The following TEX11 variants were observed in gnomAD, a reference collection of about 807,000 sequenced individuals.
TEX11 encodes the protein testis expressed 11.
TEX11 carries 7 observed loss-of-function variants against 84.4 expected under a neutral mutation model. The ratio of observed to expected loss-of-function variants is 0.08; its 90% CI spans 0.05 to 0.16. The LOEUF is 0.16. TEX11 is among the 10% of genes least tolerant of loss of function. The pLI, the probability that TEX11 is intolerant of heterozygous loss-of-function variation, is 1.00. For missense variants in TEX11, 551 were observed against 660.5 expected, an observed-to-expected ratio of 0.83 and a Z score of 1.82; for synonymous variants, 264 against 222.8, an observed-to-expected ratio of 1.18 and a Z score of -1.64.
chrX:70,713,933 C>T (rs1332754496), intron 13 of TEX11, among the ~76,000 whole-genome samples: 4 of 111,618 alleles, frequency 3.6e-5, no homozygotes, highest in African/African-American at 9.7e-5. Context: ...GCATTTAGTG[C>T]TATAAATTTC....
intron 11 of TEX11, among the ~76,000 whole-genome samples, chrX:70,728,577 G>C (rs995809526): frequency 1.6e-5 from 1 of 62,902 alleles, no homozygotes; most frequent in Non-Finnish European, 3.9e-5. Context: ...TAGCACAGCA[G>C]TCTGAGATCA....
intron 16 of TEX11, among the ~76,000 whole-genome samples, chrX:70,659,315 G>GT (rs767252769): frequency 4.5e-5 from 5 of 112,138 alleles, no homozygotes; most frequent in Non-Finnish European, 9.4e-5. Flanking sequence ...TTGGTAAGGG[G>GT]TTAATATCTG....
intron 9 of TEX11, among the ~76,000 whole-genome samples, chrX:70,802,377 C>A (rs1436759639): frequency 1.8e-5 from 2 of 110,731 alleles, no homozygotes; most frequent in Non-Finnish European, 1.9e-5. Flanking sequence ...GTTATAATGA[C>A]ATGTGAGAAA....
chrX:70,762,356 T>C (rs1474929512), intron 9 of TEX11, among the ~76,000 whole-genome samples: 1 of 111,647 alleles, frequency 9.0e-6, no homozygotes, highest in African/African-American at 3.3e-5. Context: ...ACAACAACTT[T>C]TCAAGACACA....
chrX:70,616,927 G>A (rs191785693), intron 20 of TEX11, among the ~76,000 whole-genome samples: 1 of 111,389 alleles, frequency 9.0e-6, no homozygotes, highest in Admixed American at 9.6e-5. Flanking sequence ...TGGGTACAAA[G>A]AAATAGTTAG....
chrX:70,608,295 A>G (rs1407161528), intron 22 of TEX11, among the ~76,000 whole-genome samples: 2 of 112,113 alleles, frequency 1.8e-5, no homozygotes, highest in Non-Finnish European at 1.9e-5. Context: ...AACACCATAT[A>G]TTAGTTTTGC....
intron 16 of TEX11, among the ~76,000 whole-genome samples, chrX:70,654,709 C>CAA (rs56822297): frequency 0.01 from 376 of 37,561 alleles, 18 homozygotes; most frequent in African/African-American, 0.033. Context: ...GACTCTGTCT[C>CAA]AAAAAAAAAA....
At chrX:70,725,476 A>ATATCATAAC in intron 11 of TEX11, 133 bp from the exon 12 acceptor site, 1 of 376,939 alleles carries the variant, frequency 2.7e-6, no homozygotes, top group Non-Finnish European at 4.7e-6. Context: ...ACAGAAGACC[A>ATATCATAAC]TATCATAACA....
intron 25 of TEX11, among the ~76,000 whole-genome samples, chrX:70,567,259 A>G (rs1250725609): frequency 9.0e-6 from 1 of 110,679 alleles, no homozygotes; most frequent in Non-Finnish European, 1.9e-5. Context: ...TATCCCCTTT[A>G]TCATTTTTTA....
chrX:70,732,228 C>A (rs1476674900), intron 11 of TEX11, among the ~76,000 whole-genome samples: 1 of 111,703 alleles, frequency 9.0e-6, no homozygotes, highest in Non-Finnish European at 1.9e-5. Context: ...GAAGCATTCC[C>A]TTTGAAAACT....
intron 25 of TEX11, among the ~76,000 whole-genome samples, chrX:70,588,967 G>A (rs1323454740): frequency 9.2e-6 from 1 of 108,470 alleles, no homozygotes; most frequent in Non-Finnish European, 1.9e-5. Context: ...ATCTAGAATA[G>A]GCAAATTCAT....
intron 4 of TEX11, 125 bp from the exon 5 acceptor site, chrX:70,861,061 C>CTT (rs11363600): frequency 9.8e-4 from 231 of 236,773 alleles, no homozygotes; most frequent in Middle Eastern, 2.6e-3. Context: ...TTGTAAAGGC[C>CTT]TTTTTTTTTT....
intron 12 of TEX11, 129 bp from the exon 13 acceptor site, chrX:70,722,825 T>C: frequency 4.0e-6 from 2 of 504,247 alleles, no homozygotes; most frequent in South Asian, 6.3e-5. Context: ...TGCCTAAAAA[T>C]TTATCAAAAT....
At chrX:70,714,968 G>C (rs181357657) in intron 13 of TEX11, among the ~76,000 whole-genome samples, 8,446 of 111,068 alleles carry the variant, frequency 0.076, 285 homozygotes, top group African/African-American at 0.13. Flanking sequence ...TCCTTCAGGA[G>C]CTCTTTTAGG....
intron 11 of TEX11, among the ~76,000 whole-genome samples, chrX:70,725,965 C>T (rs1441128513): frequency 8.9e-6 from 1 of 111,949 alleles, no homozygotes; most frequent in Non-Finnish European, 1.9e-5. Context: ...TGATTAGCTC[C>T]ATACTCTGCA....
chrX:70,643,249 C>T (rs1227876617), intron 17 of TEX11, among the ~76,000 whole-genome samples: 3 of 105,680 alleles, frequency 2.8e-5, no homozygotes, highest in African/African-American at 7.0e-5. Context: ...AACTACAAAC[C>T]GCTGCTCAAG....
chrX:70,706,383 C>T (rs1217695903), intron 13 of TEX11, among the ~76,000 whole-genome samples: 2 of 110,175 alleles, frequency 1.8e-5, no homozygotes, highest in Non-Finnish European at 3.8e-5. Context: ...GTGCAGCACA[C>T]CATCATGGCG....
chrX:70,638,369 A>C (rs185252403), intron 17 of TEX11, among the ~76,000 whole-genome samples: 1 of 112,112 alleles, frequency 8.9e-6, no homozygotes, highest in East Asian at 2.8e-4. Flanking sequence ...AACCCTGCCA[A>C]TTAATACTTT....
At chrX:70,677,028 C>G (rs2090077904) in intron 15 of TEX11, among the ~76,000 whole-genome samples, 1 of 112,181 alleles carries the variant, frequency 8.9e-6, no homozygotes, top group Admixed American at 9.4e-5. Context: ...AGTTCTGGGT[C>G]AGTATCGATT....
Sources: allele counts gnomAD v4.1 joint callset (sites outside exome capture counted in the v4.1 genomes callset), GRCh38; gene constraint gnomAD v4.1.1; transcripts MANE v1.5; gene names NCBI Gene and HGNC (gene_info 2026-07-23, HGNC 2026-07-21).